Variants in CTIF observed in about 807,000 individuals in gnomAD.
CTIF encodes cap binding complex dependent translation initiation factor, also known as CBP80/20-dependent translation initiation factor.
CTIF carries 21 observed loss-of-function variants against 66.0 expected under a neutral mutation model. That is an observed-to-expected ratio of 0.32 (90% CI 0.23 to 0.46). The LOEUF is 0.46. Ranked by LOEUF, CTIF falls within the 20% of genes least tolerant of loss-of-function variation. The probability of loss-of-function intolerance (pLI) is 1.00; values close to 1 mark genes in which losing one functional copy is unlikely to be tolerated. For missense variants in CTIF, 739 were observed against 812.7 expected (o/e 0.91, Z 1.10); for synonymous variants, 345 against 326.4 (o/e 1.06, Z -0.62).
In CTIF at chr18:48,761,338, A is replaced by T. The variant is rs1195171332; in HGVS notation, c.1072-52A>T. ...CCTCTTTCCACCAGGCCACCCCTGC[A>T]CAGAGACCTCGGCTTCACTCAGGCA... On this transcript the variant is annotated intron_variant, in intron 8 of 11. Coordinates refer to ENST00000256413, the MANE Select transcript of CTIF (RefSeq NM_014772.3). This position sits in a 1 kb window ranked among gnomAD's most constrained non-coding sequence, Gnocchi z 4.2. 1 of 1,575,288 alleles carries T rather than the reference A, an allele frequency of 6.3e-7. No individual in the cohort carries two copies. The highest frequency in any genetic ancestry group is 8.6e-7 in the Non-Finnish European group (1 of 1,157,166).
intron 10 of CTIF, 144 bp from the exon 11 acceptor site, chr18:48,857,444 C>A: frequency 1.6e-6 from 1 of 638,692 alleles, no homozygotes; most frequent in East Asian, 3.0e-5. Flanking sequence ...TTTGTGGGCT[C>A]TCACTCTAGC....
intron 1 of CTIF, among the ~76,000 whole-genome samples, chr18:48,579,233 T>C (rs928096975): frequency 1.3e-5 from 2 of 152,144 alleles, no homozygotes; most frequent in African/African-American, 4.8e-5. Context: ...GTTCAAGTGA[T>C]TCTCCCAAAT....
chr18:48,741,669 C>T (rs1490625486), intron 7 of CTIF, among the ~76,000 whole-genome samples: 1 of 152,074 alleles, frequency 6.6e-6, no homozygotes, highest in Non-Finnish European at 1.5e-5. Flanking sequence ...AGGTGATCCT[C>T]CTGCCTTGGC....
At chr18:48,730,203 G>C (rs985488589) in intron 7 of CTIF, among the ~76,000 whole-genome samples, 5 of 150,182 alleles carry the variant, frequency 3.3e-5, no homozygotes, top group Admixed American at 6.6e-5. Context: ...GGTGTGAGGG[G>C]CTCCTGTGGT....
intron 10 of CTIF, among the ~76,000 whole-genome samples, chr18:48,845,310 G>A (rs1446276677): frequency 6.6e-6 from 1 of 152,208 alleles, no homozygotes; most frequent in Admixed American, 6.5e-5. Context: ...CCCAGTAGCA[G>A]CACTGAAGTC....
intron 3 of CTIF, among the ~76,000 whole-genome samples, chr18:48,640,546 G>A (rs2090908533): frequency 6.6e-6 from 1 of 152,212 alleles, no homozygotes; most frequent in African/African-American, 2.4e-5. Context: ...TTTCACCCGT[G>A]GGGACAATTA....
At chr18:48,551,528 G>A (rs1171415794) in intron 1 of CTIF, among the ~76,000 whole-genome samples, 1 of 152,172 alleles carries the variant, frequency 6.6e-6, no homozygotes, top group Non-Finnish European at 1.5e-5. Context: ...CACATGCATT[G>A]TGTGTTATGC....
rs372476573 is a variant in CTIF, at chr18:48,859,360, G to A, written c.1598G>A (p.Arg533Gln). The A allele has an allele frequency of 2.9e-5, 46 of 1,613,906 alleles. No homozygotes were observed. The highest frequency in any genetic ancestry group is 1.6e-4 in the Middle Eastern group (1 of 6,078). Residue 533 changes from arginine to glutamine, a missense_variant, in exon 12 of 12, where the codon CGG becomes CAG. Transcript: ENST00000256413. ...CCSMELQSTG[R>Q]LLEEQLPEMM... is the part of the protein sequence containing the mutation. ...TGTCTGCAGCTGCAGAGTACAGGCC[G>A]GCTGCTGGAGGAACAGCTGCCTGAG...
chr18:48,757,182 G>A (rs1908448768), intron 7 of CTIF, among the ~76,000 whole-genome samples: 1 of 152,126 alleles, frequency 6.6e-6, no homozygotes, highest in African/African-American at 2.4e-5. Flanking sequence ...TCAGATTAGG[G>A]CCCATCCTAA....
At chr18:48,678,140 G>A (rs988562533) in intron 6 of CTIF, among the ~76,000 whole-genome samples, 53 of 152,234 alleles carry the variant, frequency 3.5e-4, no homozygotes, top group African/African-American at 1.2e-3. Flanking sequence ...CGGTAGTCAC[G>A]TACAGCAAGT....
At chr18:48,557,226 A>G (rs1047647880) in intron 1 of CTIF, among the ~76,000 whole-genome samples, 2 of 152,086 alleles carry the variant, frequency 1.3e-5, no homozygotes, top group Admixed American at 6.6e-5. Flanking sequence ...CCCCTGCAAA[A>G]CTTGTTTGGA....
chr18:48,841,198 C>T (rs1394460665), intron 10 of CTIF, among the ~76,000 whole-genome samples: 1 of 152,170 alleles, frequency 6.6e-6, no homozygotes, highest in Admixed American at 6.5e-5. Context: ...AGCTTCTTCC[C>T]AGTCTCAGGG....
intron 9 of CTIF, among the ~76,000 whole-genome samples, chr18:48,813,904 G>C (rs2068310033): frequency 2.0e-5 from 3 of 152,198 alleles, no homozygotes; most frequent in Admixed American, 2.0e-4. Context: ...AATAAGGGTG[G>C]TGCAGATGGG....
Position 48,722,432 on chromosome 18 carries a change from G to GAACCC in CTIF, c.584+10737_584+10738insAACCC, listed in dbSNP as rs1238084045. ...GACAGGGTTTTGCCATGTTGCCTAA[G>GAACCC]CTGGTCTTGAACCCCTGGCCTCAAG... On this transcript the variant is annotated intron_variant, in intron 7 of 11. Coordinates refer to ENST00000256413, the MANE Select transcript of CTIF (RefSeq NM_014772.3). 3.0e-3 allele frequency among the ~76,000 whole-genome samples: 457 copies of GAACCC among 152,042 alleles called. 2 individuals carry two copies. The highest frequency in any genetic ancestry group is 0.01 in the African/African-American group (425 of 41,454).
At chr18:48,798,070 G>A (rs2067968538) in intron 9 of CTIF, among the ~76,000 whole-genome samples, 1 of 152,228 alleles carries the variant, frequency 6.6e-6, no homozygotes, top group South Asian at 2.1e-4. Context: ...GCAGACGGGT[G>A]AGGAGGTGCC....
At chr18:48,600,670 C>T (rs953309278) in intron 1 of CTIF, among the ~76,000 whole-genome samples, 1 of 152,018 alleles carries the variant, frequency 6.6e-6, no homozygotes, top group Non-Finnish European at 1.5e-5. Context: ...TCTGATATCT[C>T]GGTGTCCCCA....
intron 9 of CTIF, among the ~76,000 whole-genome samples, chr18:48,815,344 G>A (rs1432513594): frequency 6.6e-6 from 1 of 152,208 alleles, no homozygotes; most frequent in Non-Finnish European, 1.5e-5. Context: ...TCATGGGCAA[G>A]TTACACAACT....
At chr18:48,819,668 C>G (rs1197265564) in intron 10 of CTIF, among the ~76,000 whole-genome samples, 1 of 152,240 alleles carries the variant, frequency 6.6e-6, no homozygotes, top group East Asian at 1.9e-4. Context: ...GCCAGTTTGA[C>G]AAACACAGAC....
chr18:48,657,701 TC>T (rs1420452417), intron 3 of CTIF, among the ~76,000 whole-genome samples: 1 of 151,438 alleles, frequency 6.6e-6, no homozygotes, highest in Non-Finnish European at 1.5e-5. Context: ...AGAGGAAGAG[TC>T]CTCAACTAGA....
Sources: allele counts gnomAD v4.1 joint callset (sites outside exome capture counted in the v4.1 genomes callset), GRCh38; gene constraint gnomAD v4.1.1; non-coding constraint Gnocchi (gnomAD v3.1); transcripts MANE v1.5; gene names NCBI Gene and HGNC (gene_info 2026-07-23, HGNC 2026-07-21).